The following SLC35F2 variants were observed in gnomAD, a reference collection of about 807,000 sequenced individuals.
SLC35F2 encodes solute carrier family 35 member F2, also known as queuine/queuosine transporter SLC35F2.
Under a neutral mutation model 38.1 loss-of-function variants are expected in SLC35F2, and 25 were observed. The ratio of observed to expected loss-of-function variants is 0.66; its 90% CI spans 0.48 to 0.92. The LOEUF (loss-of-function observed/expected upper bound fraction) is 0.92. Among genes scored for constraint, SLC35F2 ranks in the 40% least tolerant of loss-of-function variants. The probability of loss-of-function intolerance (pLI) is 0.00; values close to 1 mark genes in which losing one functional copy is unlikely to be tolerated. For missense variants in SLC35F2, 409 were observed against 452.9 expected (o/e 0.90, Z 0.88); for synonymous variants, 173 against 181.7 (o/e 0.95, Z 0.38).
intron 5 of SLC35F2, 88 bp downstream of exon 5, chr11:107,805,271 T>C (rs956524632): frequency 4.1e-6 from 6 of 1,446,116 alleles, no homozygotes; most frequent in Middle Eastern, 1.9e-4. Context: ...AAATGTGAAT[T>C]TGGGCCAAAT....
At chr11:107,807,271 C>CAAAAAAAAAAA (rs201964530) in intron 3 of SLC35F2, among the ~76,000 whole-genome samples, 21,289 of 68,792 alleles carry the variant, frequency 0.31, 3,623 homozygotes, top group Non-Finnish European at 0.37. Flanking sequence ...CCTGTCTGTA[C>CAAAAAAAAAAA]AAAAAAAAAA....
chr11:107,805,391 G>C lies in SLC35F2; in HGVS notation c.699C>G (p.Gly233=), dbSNP rs377095277. 2.0e-4 allele frequency: 329 copies of C among 1,613,856 alleles called. No homozygotes were observed. Among genetic ancestry groups the C allele is most frequent in the Non-Finnish European group, 2.7e-4 (320 of 1,179,990 alleles). ...LSRQEFLGMV[G]LFGTIISGIQ... ...TACCACTGATAATTGTTCCAAACAG[G>C]CCCACCATTCCTAAAAACTCCTGTC... is the stretch of plus-strand genomic sequence containing the variant. The change falls in exon 5 of 8, where the codon GGC becomes GGG. Residue 233 remains glycine, a synonymous_variant. Coordinates refer to ENST00000525815, the MANE Select transcript of SLC35F2 (RefSeq NM_017515.5).
intron 1 of SLC35F2, among the ~76,000 whole-genome samples, chr11:107,842,366 A>AT (rs1002046723): frequency 7.7e-6 from 1 of 129,066 alleles, no homozygotes; most frequent in South Asian, 2.7e-4. Context: ...TAATTTTTTT[A>AT]TTTTTTGAGC....
chr11:107,806,574 A>C (rs1565429596), intron 4 of SLC35F2, 143 bp downstream of exon 4: 1 of 737,194 alleles, frequency 1.4e-6, no homozygotes, highest in Middle Eastern at 2.3e-4. Flanking sequence ...AACTGAATTC[A>C]ACACAAAGTG....
At chr11:107,852,874 CAAAAAAA>C (rs11385907) in intron 1 of SLC35F2, among the ~76,000 whole-genome samples, 40 of 120,958 alleles carry the variant, frequency 3.3e-4, no homozygotes, top group African/African-American at 1.2e-3. Context: ...GACTCCATCT[CAAAAAAA>C]AAAAAAAAAA....
chr11:107,849,616 G>T (rs907959050), intron 1 of SLC35F2, among the ~76,000 whole-genome samples: 1 of 148,858 alleles, frequency 6.7e-6, no homozygotes, highest in African/African-American at 2.5e-5. Flanking sequence ...TCCAGCCTGG[G>T]CGACAGAGCA....
At chr11:107,808,285 C>A (rs548014447) in intron 3 of SLC35F2, among the ~76,000 whole-genome samples, 6 of 152,226 alleles carry the variant, frequency 3.9e-5, no homozygotes, top group Admixed American at 2.6e-4. Context: ...TGATATTGCT[C>A]ATCTGGAAGG....
At chr11:107,823,120 C>T (rs1431916002) in intron 1 of SLC35F2, 13 of 983,550 alleles carry the variant, frequency 1.3e-5, no homozygotes, top group Admixed American at 1.2e-4. Flanking sequence ...TTAAAAATAA[C>T]ACTGACAACA....
At chr11:107,795,682 G>A (rs1201778226) in intron 7 of SLC35F2, among the ~76,000 whole-genome samples, 4 of 152,088 alleles carry the variant, frequency 2.6e-5, no homozygotes, top group African/African-American at 9.7e-5. Flanking sequence ...TTCACCAAAA[G>A]AAGACATAAA....
intron 1 of SLC35F2, among the ~76,000 whole-genome samples, chr11:107,847,679 C>G (rs1860119572): frequency 6.6e-6 from 1 of 152,130 alleles, no homozygotes; most frequent in African/African-American, 2.4e-5. Flanking sequence ...AACAGGTACA[C>G]AGAGGGGCAC....
chr11:107,848,419 A>G (rs570571813), intron 1 of SLC35F2, among the ~76,000 whole-genome samples: 6 of 152,284 alleles, frequency 3.9e-5, no homozygotes, highest in African/African-American at 1.4e-4. Context: ...CTCAAAATTC[A>G]TATGTTGAAA....
At chr11:107,793,494 GA>G (rs1412683038) in intron 7 of SLC35F2, among the ~76,000 whole-genome samples, 2 of 152,156 alleles carry the variant, frequency 1.3e-5, no homozygotes, top group Non-Finnish European at 2.9e-5. Flanking sequence ...ATATTGGTAT[GA>G]AGCAGAGGAA....
intron 1 of SLC35F2, among the ~76,000 whole-genome samples, chr11:107,834,856 T>C (rs751739181): frequency 2.6e-5 from 4 of 152,150 alleles, no homozygotes; most frequent in African/African-American, 9.7e-5. Flanking sequence ...TCAGTTATTA[T>C]GGAATTATAA....
At position 107,799,855 on chromosome 11, in the gene SLC35F2, G is replaced by A. The variant is rs375970656; in HGVS notation, c.939+3146C>T. Among the ~76,000 whole-genome samples the A allele has an allele frequency of 2.5e-3, 365 of 147,466 alleles. 4 individuals carry two copies. The highest frequency in any genetic ancestry group is 8.6e-3 in the African/African-American group (341 of 39,814). On this transcript the variant is annotated intron_variant, in intron 7 of 7. Transcript: ENST00000525815. ...AGTGCAGGCGTGAGCCCCTGTGCCC[G>A]GCACACTTTGGCTTTTTTTTTGTTT...
At chr11:107,834,355 A>T (rs1859897128) in intron 1 of SLC35F2, among the ~76,000 whole-genome samples, 1 of 152,208 alleles carries the variant, frequency 6.6e-6, no homozygotes, top group Non-Finnish European at 1.5e-5. Context: ...AACGTTGACG[A>T]AAATGAATGA....
chr11:107,844,628 A>G (rs1386385437), intron 1 of SLC35F2, among the ~76,000 whole-genome samples: 1 of 47,174 alleles, frequency 2.1e-5, no homozygotes, highest in Non-Finnish European at 5.2e-5. Context: ...TCTCCAATAA[A>G]TAAATAAATA....
rs1360168061 is a variant in SLC35F2 at position 107,811,747 on chromosome 11, T to A, written c.334A>T (p.Ile112Phe). The A allele has an allele frequency of 5.0e-6, 8 of 1,613,872 alleles. No individual in the cohort carries two copies. Among genetic ancestry groups the A allele is most frequent in the Non-Finnish European group, 5.9e-6 (7 of 1,179,728 alleles). The change falls in exon 3 of 8, where the codon ATC becomes TTC. Residue 112 changes from isoleucine to phenylalanine, a missense_variant. By Grantham distance (21) the Ile-to-Phe change is conservative. Transcript: ENST00000525815. ...TCCACATCTGCTAGTCCCAGCAGGA[T>A]GTACTTCCACCATTTTCTTTTCAAG... The part of the protein sequence containing the change: ...VILKRKWWKY[I>F]LLGLADVEAN...
chr11:107,814,673 A>G (rs1199311233), intron 2 of SLC35F2, among the ~76,000 whole-genome samples: 1 of 152,118 alleles, frequency 6.6e-6, no homozygotes. Flanking sequence ...GTTAATAACA[A>G]TGTATCTGGC....
At chr11:107,809,788 G>T (rs1046616732) in intron 3 of SLC35F2, 7 of 984,944 alleles carry the variant, frequency 7.1e-6, no homozygotes, top group Non-Finnish European at 8.4e-6. Context: ...TCATATTAGA[G>T]GTACAATAGA....
Sources: allele counts gnomAD v4.1 joint callset (sites outside exome capture counted in the v4.1 genomes callset), GRCh38; gene constraint gnomAD v4.1.1; transcripts MANE v1.5; gene names NCBI Gene and HGNC (gene_info 2026-07-23, HGNC 2026-07-21).